PRPF19: variants seen among roughly 807,000 people sequenced by gnomAD.
PRPF19 encodes pre-mRNA processing factor 19, also known as pre-mRNA-processing factor 19.
PRPF19 carries 2 observed loss-of-function variants against 64.2 expected under a neutral mutation model. That is an observed-to-expected ratio of 0.03 (90% CI 0.01 to 0.10). The LOEUF (loss-of-function observed/expected upper bound fraction) is 0.10, where lower values mean the gene tolerates loss of function less well. Among genes scored for constraint, PRPF19 ranks in the 10% least tolerant of loss-of-function variants. The pLI is 1.00. For synonymous variants in PRPF19, 226 were observed against 251.6 expected, an observed-to-expected ratio of 0.90 and a Z score of 0.96; for missense variants, 314 against 650.0, an observed-to-expected ratio of 0.48 and a Z score of 5.62.
At chr11:60,891,289 G>C in intron 15 of PRPF19, 26 bp from the exon 16 acceptor site, 1 of 1,560,436 alleles carries the variant, frequency 6.4e-7, no homozygotes, top group Non-Finnish European at 8.8e-7. Context: ...AGAGGCAACT[G>C]TGAGAAGGCT....
intron 3 of PRPF19, 57 bp downstream of exon 3, chr11:60,903,402 C>T (rs191876286): frequency 6.5e-6 from 10 of 1,529,588 alleles, no homozygotes; most frequent in South Asian, 1.2e-5. Context: ...CAAGTCCTAA[C>T]CCAGCAATGC....
Position 60,899,387 on chromosome 11 carries a change from C to G in PRPF19, c.829-83G>C. 2.2e-6 allele frequency: 3 copies of G among 1,387,470 alleles called. No individual in the cohort carries two copies. In the East Asian group the frequency reaches 7.1e-5, roughly 33 times the overall value. 85.9% of individuals were successfully genotyped at this position (1,387,470 alleles called of 1,614,324 possible). ...ATCTTATAAAACGGGGCTGGGGATG[C>G]CCACAACTGCCAACAATTGCTTCTC... On this transcript the variant is annotated intron_variant, in intron 10 of 15. Transcript: ENST00000227524.
intron 6 of PRPF19, among the ~76,000 whole-genome samples, chr11:60,901,849 C>T (rs895916793): frequency 6.6e-6 from 1 of 152,178 alleles, no homozygotes; most frequent in Admixed American, 6.5e-5. Context: ...CATAGGTCTA[C>T]ACGCCACTAA....
intron 10 of PRPF19, among the ~76,000 whole-genome samples, chr11:60,900,289 A>C (rs1055008463): frequency 2.6e-5 from 4 of 152,230 alleles, no homozygotes; most frequent in Non-Finnish European, 5.9e-5. Context: ...TCTGTAGTTT[A>C]TATTAGGAAC....
chr11:60,891,786 C>A (rs1855861243), intron 15 of PRPF19, among the ~76,000 whole-genome samples: 1 of 152,172 alleles, frequency 6.6e-6, no homozygotes. Flanking sequence ...TCAACCAACT[C>A]CCCATTAAAA....
In PRPF19 at chr11:60,906,477, G is replaced by A. The variant is rs1856050002; in HGVS notation, c.-95C>T. Reference sequence around the variant, plus strand: ...ACTTCCGGTCCCCCGCTGCTGCCGGGACTGCTCCGCGGCGAGCTGGGAGCC... The same window carrying A: ...ACTTCCGGTCCCCCGCTGCTGCCGGAACTGCTCCGCGGCGAGCTGGGAGCC... On this transcript the variant is annotated 5_prime_UTR_variant, in exon 1 of 16. Coordinates refer to ENST00000227524, the MANE Select transcript of PRPF19 (RefSeq NM_014502.5). 4 of 1,373,920 alleles carry A rather than the reference G, an allele frequency of 2.9e-6. No individual in the cohort carries two copies. The highest frequency in any genetic ancestry group is 4.1e-5 in the Admixed American group (2 of 48,304). The allele number at this position is 1,373,920 out of a possible 1,614,324, so 85.1% of individuals were successfully genotyped here.
At position 60,901,557 on chromosome 11, in the gene PRPF19, T is replaced by G; in HGVS notation, c.526-17A>C. On this transcript the variant is annotated splice_polypyrimidine_tract_variant and intron_variant, in intron 6 of 15. Coordinates refer to ENST00000227524, the MANE Select transcript of PRPF19 (RefSeq NM_014502.5). ...GTCTTGAAGCTGGGGAAGAACAGGC[T>G]CAATGTGAGACAAATCATCTTGCAA... is the stretch of plus-strand genomic sequence containing the variant. The G allele has an allele frequency of 6.2e-7, 1 of 1,614,020 alleles. No individual in the cohort carries two copies.
At chr11:60,904,366 T>C (rs965121642) in intron 1 of PRPF19, among the ~76,000 whole-genome samples, 7 of 152,360 alleles carry the variant, frequency 4.6e-5, no homozygotes, top group African/African-American at 1.7e-4. Flanking sequence ...AAAATACTTC[T>C]GTGACCTCAG....
At chr11:60,899,450 C>G in intron 10 of PRPF19, 146 bp from the exon 11 acceptor site, 1 of 845,594 alleles carries the variant, frequency 1.2e-6, no homozygotes, top group South Asian at 1.8e-5. Context: ...CCTATCCACC[C>G]AATGGTGCCC....
chr11:60,895,935 C>T (rs903141535), intron 15 of PRPF19, among the ~76,000 whole-genome samples: 1 of 151,894 alleles, frequency 6.6e-6, no homozygotes, highest in Non-Finnish European at 1.5e-5. Context: ...TTTCATGGTG[C>T]CCCCCCGCCC....
chr11:60,897,989 A>C (rs1380287761), intron 14 of PRPF19, 38 bp from the exon 15 acceptor site: 2 of 1,610,778 alleles, frequency 1.2e-6, no homozygotes, highest in Non-Finnish European at 1.7e-6. Flanking sequence ...ACACAAGGGG[A>C]ACAGAAACTA....
At chr11:60,891,977 C>T (rs1855865736) in intron 15 of PRPF19, among the ~76,000 whole-genome samples, 1 of 152,198 alleles carries the variant, frequency 6.6e-6, no homozygotes, top group Non-Finnish European at 1.5e-5. Flanking sequence ...TCACAACCTG[C>T]TAATGAGGAC....
chr11:60,905,729 T>C (rs933544885), intron 1 of PRPF19, among the ~76,000 whole-genome samples: 3 of 152,212 alleles, frequency 2.0e-5, no homozygotes, highest in Admixed American at 2.0e-4. Context: ...ATTTCTCCTT[T>C]AGGGAATTCT....
intron 15 of PRPF19, among the ~76,000 whole-genome samples, chr11:60,892,558 A>C (rs540904316): frequency 7.9e-5 from 12 of 152,292 alleles, no homozygotes; most frequent in Admixed American, 3.3e-4. Context: ...ATGTATTTTC[A>C]TCTAAACCTC....
Position 60,906,552 on chromosome 11 carries a change from C to G in PRPF19, c.-170G>C. ...CGCTTCACGTGGGAATGGGGACAGC[C>G]GCGCGCCACAGCCTTCAGCACCTAA... is the stretch of plus-strand genomic sequence containing the variant. On this transcript the variant is annotated 5_prime_UTR_variant, in exon 1 of 16. Transcript: ENST00000227524. The G allele has an allele frequency of 1.5e-6, 1 of 667,704 alleles. No individual in the cohort carries two copies. The allele number at this position is 667,704 out of a possible 1,614,324, so 41.4% of individuals were successfully genotyped here. A position where few individuals can be genotyped will look rare whatever the true frequency, so the allele number is the denominator to read the frequency against.
chr11:60,901,232 C>T, intron 8 of PRPF19, 63 bp downstream of exon 8: 1 of 1,569,868 alleles, frequency 6.4e-7, no homozygotes, highest in Non-Finnish European at 8.7e-7. Flanking sequence ...CCATGCTGGC[C>T]CGCCCACCCC....
rs1231506611 is a variant in PRPF19, at chr11:60,890,779, G to A, written c.*387C>T. 2.2e-6 allele frequency: 1 copy of A among 463,020 alleles called. No individual in the cohort carries two copies. Among genetic ancestry groups the A allele is most frequent in the East Asian group, 6.8e-5 (1 of 14,794 alleles). The allele number at this position is 463,020 out of a possible 1,614,324, so 28.7% of individuals were successfully genotyped here. ...ACTAGATCACTGCTTACAAAACCCT[G>A]CACAAGCCCTCCTGCCCATCCCCTT... On this transcript the variant is annotated 3_prime_UTR_variant, in exon 16 of 16. Coordinates refer to ENST00000227524, the MANE Select transcript of PRPF19 (RefSeq NM_014502.5).
chr11:60,891,489 C>T (rs545841482), intron 15 of PRPF19, among the ~76,000 whole-genome samples: 18 of 152,206 alleles, frequency 1.2e-4, no homozygotes, highest in Admixed American at 2.6e-4. Flanking sequence ...GCAATGCCAG[C>T]CCCCCCTTCT....
chr11:60,905,260 G>A (rs1399807670), intron 1 of PRPF19: 2 of 152,188 alleles, frequency 1.3e-5, no homozygotes, highest in Non-Finnish European at 2.9e-5. Context: ...CAGGGCACTC[G>A]GTAAACATCT....
Sources: gnomAD v4.1 joint callset for allele counts (sites outside exome capture counted in the v4.1 genomes callset) on GRCh38, gnomAD v4.1.1 for gene constraint, MANE v1.5 for transcripts, NCBI Gene and HGNC (gene_info 2026-07-23, HGNC 2026-07-21) for gene names.